The following SPATA33 variants were observed in gnomAD, a reference collection of about 807,000 sequenced individuals.
The protein encoded by SPATA33 is spermatogenesis-associated protein 33.
Under a neutral mutation model 8.9 loss-of-function variants are expected in SPATA33, and 10 were observed. The ratio of observed to expected loss-of-function variants is 1.12; its 90% CI spans 0.69 to 1.90. The LOEUF is 1.90. Ranked by LOEUF, SPATA33 falls within the 40% of genes most tolerant of loss-of-function variation. The pLI is 0.00. For synonymous variants in SPATA33, 96 were observed against 72.8 expected (o/e 1.32, Z -1.63); for missense variants, 241 against 178.3 (o/e 1.35, Z -2.00).
At chr16:89,666,040 C>T (rs2060021330) in intron 2 of SPATA33, among the ~76,000 whole-genome samples, 1 of 152,132 alleles carries the variant, frequency 6.6e-6, no homozygotes, top group Admixed American at 6.5e-5. Flanking sequence ...AAAATTGTGC[C>T]ACTGCACTCC....
chr16:89,658,864 C>G (rs1047539833), intron 2 of SPATA33: 1 of 178,854 alleles, frequency 5.6e-6, no homozygotes, highest in African/African-American at 2.3e-5. Flanking sequence ...CTGGGTGCGA[C>G]AAAGGTGTCT....
At chr16:89,658,156 A>G (rs939058359) in intron 1 of SPATA33, 92 bp from the exon 2 acceptor site, 18 of 1,576,984 alleles carry the variant, frequency 1.1e-5, no homozygotes, top group African/African-American at 4.1e-5. Context: ...AAGCCAGCTT[A>G]TTCTGGACCC....
chr16:89,666,801 C>T (rs1307347402), intron 2 of SPATA33, among the ~76,000 whole-genome samples: 1 of 152,192 alleles, frequency 6.6e-6, no homozygotes, highest in Non-Finnish European at 1.5e-5. Context: ...ACAGGGGGCC[C>T]TTCCCTGCCT....
At position 89,669,338 on chromosome 16, in the gene SPATA33, G is replaced by T. The variant is rs571389861; in HGVS notation, c.264G>T (p.Gln88His). ...KSSRKKVVVPQIIITRASNET... is the reference protein window; with the variant it reads ...KSSRKKVVVPHIIITRASNET... ...GCAGGAAGAAAGTGGTCGTTCCACA[G>T]ATCATCATCACGCGAGCGTCGAATG... Residue 88 changes from glutamine (Q) to histidine (H), a missense_variant, in exon 3 of 3, where the codon CAG (glutamine) becomes CAT (histidine). Gln to His is a conservative substitution (Grantham distance 24). Transcript: ENST00000579310. 23 of 1,614,202 alleles carry T rather than the reference G, an allele frequency of 1.4e-5. No homozygotes were observed. The East Asian group carries it at 2.7e-4, about 19-fold the overall frequency.
rs1350670436 is a variant in SPATA33, at chr16:89,657,889, C to T, written c.-23C>T. 6 of 1,515,482 alleles carry T rather than the reference C, an allele frequency of 4.0e-6. No homozygotes were observed. The highest frequency in any genetic ancestry group is 3.6e-4 in the Middle Eastern group (2 of 5,520). The allele number at this position is 1,515,482 out of a possible 1,614,324, so 93.9% of individuals were successfully genotyped here. A position where few individuals can be genotyped will look rare whatever the true frequency, so the allele number is the denominator to read the frequency against. On this transcript the variant is annotated 5_prime_UTR_variant, in exon 1 of 3. Transcript: ENST00000579310. ...GAGGTGTGGGGACCCGGGCTTGCGT[C>T]GGAGGGGGCGGTGGGCTCACCCATG...
chr16:89,657,839 A>G lies in SPATA33; in HGVS notation c.-73A>G. 1 of 1,510,016 alleles carries G rather than the reference A, an allele frequency of 6.6e-7. No individual in the cohort carries two copies. The highest frequency in any genetic ancestry group is 8.8e-7 in the Non-Finnish European group (1 of 1,135,416). 93.5% of individuals were successfully genotyped at this position (1,510,016 alleles called of 1,614,324 possible). A position where few individuals can be genotyped will look rare whatever the true frequency, so the allele number is the denominator to read the frequency against. On this transcript the variant is annotated 5_prime_UTR_variant, in exon 1 of 3. Transcript: ENST00000579310. ...GCCGCTGGCGCGAGGACCTTTTGTG[A>G]GTCGCTCCCGGCTCCGCGGCCGCGG...
intron 2 of SPATA33, among the ~76,000 whole-genome samples, chr16:89,663,475 T>C (rs1480984300): frequency 1.3e-5 from 2 of 151,960 alleles, no homozygotes; most frequent in Admixed American, 6.6e-5. Flanking sequence ...AAACTCCCGA[T>C]CTCAGGTGAT....
At chr16:89,665,517 T>C (rs1169581259) in intron 2 of SPATA33, among the ~76,000 whole-genome samples, 3 of 150,762 alleles carry the variant, frequency 2.0e-5, no homozygotes, top group African/African-American at 7.3e-5. Context: ...GGTTTCACTA[T>C]GTTAACCAGA....
At chr16:89,660,828 C>A in intron 2 of SPATA33, 4 of 1,152,268 alleles carry the variant, frequency 3.5e-6, no homozygotes, top group Non-Finnish European at 4.3e-6. Flanking sequence ...TTTAGTAGTC[C>A]TGGTCCCTAA....
chr16:89,664,874 C>A (rs2060005316), intron 2 of SPATA33, among the ~76,000 whole-genome samples: 1 of 152,238 alleles, frequency 6.6e-6, no homozygotes, highest in South Asian at 2.1e-4. Flanking sequence ...TGCACCTGCA[C>A]CCCTGACGAC....
chr16:89,662,942 C>T (rs1032113602), intron 2 of SPATA33, among the ~76,000 whole-genome samples: 12 of 151,790 alleles, frequency 7.9e-5, no homozygotes, highest in South Asian at 2.1e-4. Context: ...TACAGGTGTG[C>T]GCCACCATGC....
upstream of SPATA33, chr16:89,657,831 C>G (rs559303642): frequency 2.4e-5 from 36 of 1,513,398 alleles, no homozygotes; most frequent in East Asian, 8.1e-5. Context: ...GCGCGAGGAC[C>G]TTTTGTGAGT....
At chr16:89,658,638 G>A (rs1302728916) in intron 2 of SPATA33, 3 of 655,732 alleles carry the variant, frequency 4.6e-6, no homozygotes, top group Non-Finnish European at 5.1e-6. Flanking sequence ...GTCAGTTCCC[G>A]AGTGATAAGT....
At chr16:89,668,829 C>G (rs1394162492) in intron 2 of SPATA33, among the ~76,000 whole-genome samples, 1 of 152,222 alleles carries the variant, frequency 6.6e-6, no homozygotes, top group Non-Finnish European at 1.5e-5. Flanking sequence ...GTAACCTTAA[C>G]AGGTTTAAGA....
intron 2 of SPATA33, among the ~76,000 whole-genome samples, chr16:89,666,668 C>G (rs987743712): frequency 1.3e-5 from 2 of 152,092 alleles, no homozygotes; most frequent in Non-Finnish European, 2.9e-5. Context: ...GCCGTGGAGA[C>G]CGGTAGTGGC....
chr16:89,660,210 CAGGACTGCATCTACTGCAAAGGCA>C, intron 2 of SPATA33: 1 of 262,766 alleles, frequency 3.8e-6, no homozygotes, highest in Non-Finnish European at 7.2e-6. Context: ...CACACGCAGG[CAGGACTGCATCTACTGCAAAGGCA>C]TTGCTCCTTG....
chr16:89,660,703 G>A (rs1333259591), intron 2 of SPATA33: 1 of 741,670 alleles, frequency 1.3e-6, no homozygotes, highest in Admixed American at 4.3e-5. Flanking sequence ...ACAGAGAGAA[G>A]CAGATGAGTG....
At chr16:89,661,129 A>G in intron 2 of SPATA33, 1 of 985,516 alleles carries the variant, frequency 1.0e-6, no homozygotes, top group South Asian at 4.7e-5. Context: ...ACTATGAAGC[A>G]GTAGTGAGAA....
At chr16:89,660,511 A>G in intron 2 of SPATA33, 5 of 1,231,912 alleles carry the variant, frequency 4.1e-6, no homozygotes, top group Non-Finnish European at 5.1e-6. Flanking sequence ...TTCAGCAGAT[A>G]AAATGAAGTG....
Sources: gnomAD v4.1 joint callset for allele counts (sites outside exome capture counted in the v4.1 genomes callset) on GRCh38, gnomAD v4.1.1 for gene constraint, MANE v1.5 for transcripts, NCBI Gene and HGNC (gene_info 2026-07-23, HGNC 2026-07-21) for gene names.